GDF10: variants seen among roughly 807,000 people sequenced by gnomAD.
The protein encoded by GDF10 is growth differentiation factor 10.
In GDF10, 23 loss-of-function variants were observed where a neutral mutation model predicts 32.1. The ratio of observed to expected loss-of-function variants is 0.72; its 90% CI spans 0.52 to 1.02. GDF10 has a LOEUF of 1.02. GDF10 is among the 50% of genes least tolerant of loss of function. The pLI, the probability that GDF10 is intolerant of heterozygous loss-of-function variation, is 0.00. For synonymous variants in GDF10, 328 were observed against 303.1 expected (o/e 1.08, Z -0.85); for missense variants, 764 against 673.9 (o/e 1.13, Z -1.48).
chr10:47,308,339 TGTG>T (rs1419331413), intron 1 of GDF10, among the ~76,000 whole-genome samples: 8 of 152,198 alleles, frequency 5.3e-5, no homozygotes, highest in Admixed American at 1.3e-4. Context: ...GTTGAGGGGC[TGTG>T]ACACTGTCCT....
Position 47,310,554 on chromosome 10 carries a change from A to G in GDF10, c.1078A>G (p.Lys360Glu). Residue 360 changes from lysine (K) to glutamate (E), a missense_variant, in exon 2 of 3, where the codon AAG becomes GAG. By Grantham distance (56) the Lys-to-Glu change is moderately conservative (BLOSUM62 1). Transcript: ENST00000580279. ...CTCGCAGGTGCTGGACTTTGACGAG[A>G]AGACGATGCAGAAAGCCCGGAGGAA... ...AASQVLDFDE[K>E]TMQKARRKQW... is the part of the protein sequence containing the mutation. The G allele has an allele frequency of 1.2e-6, 2 of 1,614,194 alleles. No individual in the cohort carries two copies. Among genetic ancestry groups the G allele is most frequent in the South Asian group, 2.2e-5 (2 of 91,086 alleles).
rs150606560 is a variant in GDF10, at chr10:47,309,978, A to G, written c.502A>G (p.Thr168Ala). Reference sequence around the variant, plus strand: ...CCGCCCGCTGCCCCTGGGCCCGCCCACACGCCAGCACCTGCTCTTCCGCAG... The same window carrying G: ...CCGCCCGCTGCCCCTGGGCCCGCCCGCACGCCAGCACCTGCTCTTCCGCAG... ...SGRPLPLGPP[T>A]RQHLLFRSLS... The change falls in exon 2 of 3, where the codon ACA becomes GCA. Residue 168 changes from threonine (T) to alanine (A), a missense_variant. Coordinates refer to ENST00000580279, the MANE Select transcript of GDF10 (RefSeq NM_004962.5). The G allele has an allele frequency of 1.2e-6, 2 of 1,611,150 alleles. No individual in the cohort carries two copies. The highest frequency in any genetic ancestry group is 1.7e-6 in the Non-Finnish European group (2 of 1,178,928).
At chr10:47,312,151 G>A (rs371098688) in intron 2 of GDF10, among the ~76,000 whole-genome samples, 1 of 152,196 alleles carries the variant, frequency 6.6e-6, no homozygotes, top group African/African-American at 2.4e-5. Flanking sequence ...CACATGCCAG[G>A]CCTTCCCTTC....
intron 1 of GDF10, among the ~76,000 whole-genome samples, chr10:47,306,726 T>C (rs1433539286): frequency 1.3e-5 from 2 of 151,940 alleles, no homozygotes; most frequent in Non-Finnish European, 1.5e-5. Context: ...TTGTGGGAGG[T>C]TCCATTTGAG....
rs912150813 is a variant in GDF10, at chr10:47,303,022, G to A, written c.319+2052G>A. Among the ~76,000 whole-genome samples the A allele has an allele frequency of 1.3e-5, 2 of 152,202 alleles. 1 individual carries two copies. Among genetic ancestry groups the A allele is most frequent in the Admixed American group, 1.3e-4 (2 of 15,280 alleles). ...ATGGGCTAAGCAGGTTTTGTGCTTT[G>A]CATACAGTGGGGGCCCAGGCAGGTT... On this transcript the variant is annotated intron_variant, in intron 1 of 2. Transcript: ENST00000580279.
At chr10:47,301,046 C>T (rs2061003108) in intron 1 of GDF10, 76 bp downstream of exon 1, 1 of 1,008,372 alleles carries the variant, frequency 9.9e-7, no homozygotes, top group East Asian at 3.1e-5. Flanking sequence ...CACCCGTGCA[C>T]CTCTACTTTT....
Position 47,309,566 on chromosome 10 carries a change from C to T in GDF10, c.320-230C>T, listed in dbSNP as rs563839493. On this transcript the variant is annotated intron_variant, in intron 1 of 2. Transcript: ENST00000580279. ...TTTTTGTTGTTGTTGTTGTTTGCTA[C>T]GGGATATTGACAATCTCAACCTTAA... is the stretch of plus-strand genomic sequence containing the variant. 1.8e-4 allele frequency among the ~76,000 whole-genome samples: 27 copies of T among 152,298 alleles called. No homozygotes were observed. In the South Asian group the frequency reaches 5.2e-3, roughly 29 times the overall value.
chr10:47,301,764 T>C (rs1346951859), intron 1 of GDF10, among the ~76,000 whole-genome samples: 2 of 152,188 alleles, frequency 1.3e-5, no homozygotes, highest in South Asian at 2.1e-4. Flanking sequence ...GTTGTCATGG[T>C]GATTACTCCT....
rs79669887 is a variant in GDF10 at position 47,305,226 on chromosome 10, T to C, written c.319+4256T>C. ...GGGTGTAGTGCCCTGAGGGTGGCAA[T>C]AGTTCCTGAGGCCATAACTGTTCTG... On this transcript the variant is annotated intron_variant, in intron 1 of 2. Coordinates refer to ENST00000580279, the MANE Select transcript of GDF10 (RefSeq NM_004962.5). Among the ~76,000 whole-genome samples the C allele has an allele frequency of 1.7e-4, 26 of 152,298 alleles. No individual in the cohort carries two copies. The East Asian group carries it at 5.0e-3, about 29-fold the overall frequency.
At chr10:47,312,553 T>G (rs1588846712) in intron 2 of GDF10, 48 bp from the exon 3 acceptor site, 3 of 1,253,386 alleles carry the variant, frequency 2.4e-6, no homozygotes, top group Non-Finnish European at 3.3e-6. Context: ...GGTGCGTGGG[T>G]GGGTGAGGGC....
At position 47,310,025 on chromosome 10, in the gene GDF10, A is replaced by G. The variant is rs528258535; in HGVS notation, c.549A>G (p.Thr183=). The G allele has an allele frequency of 5.2e-5, 83 of 1,608,078 alleles. No homozygotes were observed. The African/African-American group carries it at 1.1e-3, about 20-fold the overall frequency. The change falls in exon 2 of 3, where the codon ACA becomes ACG. Residue 183 remains threonine (T), a synonymous_variant. Coordinates refer to ENST00000580279, the MANE Select transcript of GDF10 (RefSeq NM_004962.5). ...LFRSLSQNTA[T]QGLLRGAMAL... is the part of the protein sequence containing the mutation. ...GCAGCCTCTCGCAGAACACGGCCAC[A>G]CAGGGGCTACTCCGCGGGGCCATGG... is the stretch of plus-strand genomic sequence containing the variant.
intron 1 of GDF10, 63 bp from the exon 2 acceptor site, chr10:47,309,733 G>A (rs1216483006): frequency 1.1e-5 from 12 of 1,137,056 alleles, no homozygotes; most frequent in Admixed American, 7.5e-5. Flanking sequence ...CCAGCCCTGG[G>A]TGGGAGACCC....
intron 1 of GDF10, among the ~76,000 whole-genome samples, chr10:47,304,708 G>A (rs568582404): frequency 2.0e-5 from 3 of 152,292 alleles, no homozygotes; most frequent in South Asian, 4.1e-4. Flanking sequence ...TGAGATATAT[G>A]TGGATACATC....
chr10:47,301,761 T>C (rs1555206878), intron 1 of GDF10, among the ~76,000 whole-genome samples: 1 of 152,162 alleles, frequency 6.6e-6, no homozygotes, highest in South Asian at 2.1e-4. Context: ...CTGGTTGTCA[T>C]GGTGATTACT....
In GDF10 at chr10:47,300,441, C is replaced by CG; in HGVS notation, c.-206dup. ...GCTCCGGACGGCTGTGACCGCTGGC[C>CG]GGGGGCTCGGGCCGCCGGTACCCAC... On this transcript the variant is annotated 5_prime_UTR_variant, in exon 1 of 3. Coordinates refer to ENST00000580279, the MANE Select transcript of GDF10 (RefSeq NM_004962.5). 2.0e-6 allele frequency: 1 copy of CG among 502,224 alleles called. No individual in the cohort carries two copies. 31.1% of individuals were successfully genotyped at this position (502,224 alleles called of 1,614,324 possible). A position where few individuals can be genotyped will look rare whatever the true frequency, so the allele number is the denominator to read the frequency against.
chr10:47,300,962 C>A lies in GDF10; in HGVS notation c.311C>A (p.Ala104Asp). 6.7e-7 allele frequency: 1 copy of A among 1,490,550 alleles called. No individual in the cohort carries two copies. Among genetic ancestry groups the A allele is most frequent in the South Asian group, 1.3e-5 (1 of 75,024 alleles). 92.3% of individuals were successfully genotyped at this position (1,490,550 alleles called of 1,614,324 possible). A position where few individuals can be genotyped will look rare whatever the true frequency, so the allele number is the denominator to read the frequency against. ...GGCAACACGGTCCGCAGCTTCAGGGCCAGGCTGGGTAAGTAGAGGGTGCCC... is the reference window on the plus strand; with the variant it reads ...GGCAACACGGTCCGCAGCTTCAGGGACAGGCTGGGTAAGTAGAGGGTGCCC... ...GGGNTVRSFR[A>D]RLEVVDQKAV... is the part of the protein sequence containing the mutation. The change falls in exon 1 of 3, where the codon GCC (alanine) becomes GAC (aspartate). Residue 104 changes from alanine (A) to aspartate (D), a missense_variant. Physicochemically the swap from Ala to Asp is moderately radical, Grantham distance 126. Transcript: ENST00000580279.
rs891376656 is a variant in GDF10 at position 47,312,767 on chromosome 10, C to T, written c.1412C>T (p.Ser471Phe). 3 of 1,595,244 alleles carry T rather than the reference C, an allele frequency of 1.9e-6. No individual in the cohort carries two copies. The highest frequency in any genetic ancestry group is 2.3e-5 in the East Asian group (1 of 44,116). ...GTTCTGAAGGTGTACCCCAACATGT[C>T]CGTGGACACCTGTGCCTGCCGGTGA... ...NVVLKVYPNM[S>F]VDTCACR The change falls in exon 3 of 3, where the codon TCC (serine) becomes TTC (phenylalanine). Residue 471 changes from serine (S) to phenylalanine (F), a missense_variant. Coordinates refer to ENST00000580279, the MANE Select transcript of GDF10 (RefSeq NM_004962.5).
At chr10:47,305,129 A>G (rs1555207108) in intron 1 of GDF10, among the ~76,000 whole-genome samples, 1 of 152,146 alleles carries the variant, frequency 6.6e-6, no homozygotes, top group Non-Finnish European at 1.5e-5. Context: ...GAGGCAAAAG[A>G]GTTCTCAGGC....
intron 1 of GDF10, among the ~76,000 whole-genome samples, chr10:47,308,620 C>T (rs1428290461): frequency 4.6e-5 from 7 of 152,134 alleles, no homozygotes; most frequent in African/African-American, 1.7e-4. Context: ...TGACCCATGC[C>T]CCTAGAGAGC....
Sources: gnomAD v4.1 joint callset for allele counts (sites outside exome capture counted in the v4.1 genomes callset) on GRCh38, gnomAD v4.1.1 for gene constraint, MANE v1.5 for transcripts, NCBI Gene and HGNC (gene_info 2026-07-23, HGNC 2026-07-21) for gene names.